The following TMEFF1 variants were observed in gnomAD, a reference collection of about 807,000 sequenced individuals.
TMEFF1 encodes the protein tomoregulin-1.
A neutral mutation model predicts 47.5 loss-of-function variants in TMEFF1; 20 were observed. The observed-to-expected ratio is 0.42, with a 90% CI of 0.30 to 0.61. The LOEUF (loss-of-function observed/expected upper bound fraction) is 0.61. TMEFF1 is among the 20% of genes least tolerant of loss of function. The probability of loss-of-function intolerance (pLI) is 0.19; values close to 1 mark genes in which losing one functional copy is unlikely to be tolerated. For synonymous variants in TMEFF1, 162 were observed against 166.3 expected, an observed-to-expected ratio of 0.97 and a Z score of 0.20; for missense variants, 411 against 471.1, an observed-to-expected ratio of 0.87 and a Z score of 1.18.
At chr9:100,544,100 A>G (rs956120817) in intron 5 of TMEFF1, among the ~76,000 whole-genome samples, 4 of 151,430 alleles carry the variant, frequency 2.6e-5, no homozygotes, top group Non-Finnish European at 5.9e-5. Flanking sequence ...ATATATATAT[A>G]TATATAACTT....
At chr9:100,534,784 A>G (rs1292335276) in intron 5 of TMEFF1, among the ~76,000 whole-genome samples, 1 of 152,236 alleles carries the variant, frequency 6.6e-6, no homozygotes, top group South Asian at 2.1e-4. Flanking sequence ...AATACCCACT[A>G]TAAACAAAGC....
intron 5 of TMEFF1, among the ~76,000 whole-genome samples, chr9:100,520,286 T>C (rs553584185): frequency 8.7e-4 from 133 of 152,306 alleles, no homozygotes; most frequent in African/African-American, 3.0e-3. Context: ...TGCTCCAGCC[T>C]GGGTGACACA....
At chr9:100,508,972 A>T (rs1404246832) in intron 2 of TMEFF1, 33 bp from the exon 3 acceptor site, 1 of 1,536,062 alleles carries the variant, frequency 6.5e-7, no homozygotes, top group East Asian at 2.4e-5. Flanking sequence ...ATTCATGCCT[A>T]GTTCTGAGAA....
intron 5 of TMEFF1, among the ~76,000 whole-genome samples, chr9:100,524,446 AG>A (rs1487019897): frequency 6.6e-6 from 1 of 152,236 alleles, no homozygotes; most frequent in Non-Finnish European, 1.5e-5. Flanking sequence ...TCTGGTTTTC[AG>A]CTCCTCAGAG....
chr9:100,478,930 C>T (rs928098163), intron 1 of TMEFF1, among the ~76,000 whole-genome samples: 3 of 152,044 alleles, frequency 2.0e-5, no homozygotes, highest in Non-Finnish European at 4.4e-5. Flanking sequence ...AGTGGCATTT[C>T]GTGATAGATA....
intron 4 of TMEFF1, among the ~76,000 whole-genome samples, chr9:100,514,260 C>G (rs1435113459): frequency 1.3e-5 from 2 of 151,532 alleles, no homozygotes; most frequent in Non-Finnish European, 2.9e-5. Flanking sequence ...TTGAAGGTCT[C>G]CTGGAGAATA....
At chr9:100,476,798 G>C (rs1311199152) in intron 1 of TMEFF1, among the ~76,000 whole-genome samples, 2 of 150,912 alleles carry the variant, frequency 1.3e-5, no homozygotes, top group Non-Finnish European at 2.9e-5. Flanking sequence ...CCGGGTTCGC[G>C]CCATTCTCCT....
At chr9:100,562,796 C>T (rs1465493785) in intron 8 of TMEFF1, among the ~76,000 whole-genome samples, 1 of 151,794 alleles carries the variant, frequency 6.6e-6, no homozygotes, top group Non-Finnish European at 1.5e-5. Flanking sequence ...GCTGGGACTG[C>T]AGGCATGTGC....
At chr9:100,569,077 C>G (rs1205298646) in intron 8 of TMEFF1, among the ~76,000 whole-genome samples, 1 of 152,130 alleles carries the variant, frequency 6.6e-6, no homozygotes, top group African/African-American at 2.4e-5. Flanking sequence ...TTTAATTTCA[C>G]TTGGGTAAAG....
intron 7 of TMEFF1, among the ~76,000 whole-genome samples, chr9:100,554,628 G>C (rs1285145373): frequency 1.3e-5 from 2 of 151,724 alleles, no homozygotes; most frequent in Admixed American, 6.6e-5. Context: ...AGGACAGTGG[G>C]GTTTAGAATT....
chr9:100,518,328 C>T lies in TMEFF1; in HGVS notation c.560+1557C>T, dbSNP rs573109986. ...CACCTCCTCATAGTGTAATATGTAG[C>T]CTATTCCCAATCAGAGCAACTCTGT... On this transcript the variant is annotated intron_variant, in intron 5 of 9. Transcript: ENST00000374879. 6.9e-5 allele frequency: 32 copies of T among 466,646 alleles called. No homozygotes were observed. The South Asian group carries it at 2.4e-3, about 35-fold the overall frequency. 28.9% of individuals were successfully genotyped at this position (466,646 alleles called of 1,614,324 possible). A position where few individuals can be genotyped will look rare whatever the true frequency, so the allele number is the denominator to read the frequency against.
intron 1 of TMEFF1, among the ~76,000 whole-genome samples, chr9:100,480,476 A>C (rs939013371): frequency 7.2e-5 from 11 of 152,236 alleles, no homozygotes; most frequent in Admixed American, 6.5e-5. Flanking sequence ...TAAAGACAAG[A>C]AGCTGAAAGA....
chr9:100,481,512 C>T (rs1201648640), intron 1 of TMEFF1, among the ~76,000 whole-genome samples: 2 of 152,080 alleles, frequency 1.3e-5, no homozygotes, highest in African/African-American at 2.4e-5. Context: ...TACTAAATTG[C>T]GGGGATTAAG....
intron 1 of TMEFF1, among the ~76,000 whole-genome samples, chr9:100,486,291 G>A (rs1339239917): frequency 3.3e-5 from 5 of 152,154 alleles, no homozygotes; most frequent in Admixed American, 3.3e-4. Flanking sequence ...TGCCCAGGCT[G>A]GAGTGCAATG....
chr9:100,473,622 GC>G lies in TMEFF1; in HGVS notation c.79del (p.Leu27PhefsTer41), dbSNP rs1323835504. The G allele has an allele frequency of 6.4e-7, 1 of 1,560,144 alleles. No individual in the cohort carries two copies. The highest frequency in any genetic ancestry group is 2.4e-5 in the East Asian group (1 of 41,876). ...PLAFCCYTSV[L>X]LLFAFSLPGS... ...TCGCCTTCTGCTGCTACACGTCGGT[GC>G]TTCTGCTCTTCGCCTTCTCTCTGCC... On this transcript the variant is annotated frameshift_variant, in exon 1 of 10. Coordinates refer to ENST00000374879, the MANE Select transcript of TMEFF1 (RefSeq NM_003692.5). LOFTEE classifies it high-confidence loss of function. The surrounding 1 kb of genome is among the most constrained non-coding windows in gnomAD (Gnocchi z 5.4).
At chr9:100,526,999 C>T (rs1390279160) in intron 5 of TMEFF1, among the ~76,000 whole-genome samples, 7 of 147,858 alleles carry the variant, frequency 4.7e-5, no homozygotes, top group South Asian at 2.1e-4. Context: ...AAAAATTAGC[C>T]GGGCGTGGTG....
At chr9:100,552,212 T>C (rs1174280627) in intron 7 of TMEFF1, among the ~76,000 whole-genome samples, 1 of 152,122 alleles carries the variant, frequency 6.6e-6, no homozygotes, top group African/African-American at 2.4e-5. Context: ...TTAATATATT[T>C]GAAAAAAGCA....
intron 2 of TMEFF1, among the ~76,000 whole-genome samples, chr9:100,499,557 TCA>T (rs1380630998): frequency 2.6e-5 from 4 of 152,162 alleles, no homozygotes; most frequent in Non-Finnish European, 5.9e-5. Flanking sequence ...TTTTTTCCAC[TCA>T]CAATTTTATT....
intron 8 of TMEFF1, among the ~76,000 whole-genome samples, chr9:100,571,451 T>G (rs1839237750): frequency 6.6e-6 from 1 of 152,180 alleles, no homozygotes; most frequent in Non-Finnish European, 1.5e-5. Flanking sequence ...AAAAAAATGC[T>G]AAGAGAGTAG....
Sources: allele counts gnomAD v4.1 joint callset (sites outside exome capture counted in the v4.1 genomes callset), GRCh38; gene constraint gnomAD v4.1.1; non-coding constraint Gnocchi (gnomAD v3.1); transcripts MANE v1.5; gene names NCBI Gene and HGNC (gene_info 2026-07-23, HGNC 2026-07-21).